The following AFAP1L2 variants were observed in gnomAD, a reference collection of about 807,000 sequenced individuals.
The protein encoded by AFAP1L2 is actin filament-associated protein 1-like 2.
AFAP1L2 carries 46 observed loss-of-function variants against 99.3 expected under a neutral mutation model. The ratio of observed to expected loss-of-function variants is 0.46; its 90% CI spans 0.37 to 0.59. The LOEUF is 0.59. Ranked by LOEUF, AFAP1L2 falls within the 20% of genes least tolerant of loss-of-function variation. The pLI is 0.00. For synonymous variants in AFAP1L2, 397 were observed against 419.1 expected (o/e 0.95, Z 0.64); for missense variants, 959 against 1,034.9 (o/e 0.93, Z 1.01).
chr10:114,371,454 C>G (rs1315711674), intron 1 of AFAP1L2, among the ~76,000 whole-genome samples: 2 of 151,894 alleles, frequency 1.3e-5, no homozygotes, highest in Non-Finnish European at 2.9e-5. Flanking sequence ...TCATCAGTCC[C>G]CCGCGAAAAA....
chr10:114,327,940 C>T (rs1480951646), intron 4 of AFAP1L2, among the ~76,000 whole-genome samples: 2 of 152,232 alleles, frequency 1.3e-5, no homozygotes, highest in South Asian at 2.1e-4. Flanking sequence ...AGGCTAGCCA[C>T]GGCAATGTCC....
At chr10:114,315,817 G>A in intron 5 of AFAP1L2, 52 bp from the exon 6 acceptor site, 1 of 1,544,738 alleles carries the variant, frequency 6.5e-7, no homozygotes, top group South Asian at 1.2e-5. Context: ...GGACAGTCCT[G>A]AAGCAGCATC....
intron 10 of AFAP1L2, among the ~76,000 whole-genome samples, chr10:114,306,374 A>AGGGGACGAGG (rs1164260630): frequency 6.8e-6 from 1 of 147,824 alleles, no homozygotes; most frequent in Non-Finnish European, 1.5e-5. Flanking sequence ...CGGGGGCAGG[A>AGGGGACGAGG]GGGCATGGGT....
chr10:114,284,668 C>T, the AFAP1L2 span, among the ~76,000 whole-genome samples: 1 of 152,228 alleles, frequency 6.6e-6, no homozygotes, highest in Non-Finnish European at 1.5e-5. Context: ...TCCTTTACCA[C>T]CCGTGCCCAG....
At position 114,301,370 on chromosome 10, in the gene AFAP1L2, G is replaced by A; in HGVS notation, c.1526C>T (p.Ser509Leu). The A allele has an allele frequency of 6.2e-7, 1 of 1,614,092 alleles. No homozygotes were observed. Among genetic ancestry groups the A allele is most frequent in the South Asian group, 1.1e-5 (1 of 91,080 alleles). ...GGTCCTTACCGCAGCTGTGAGCTCT[G>A]ACAGGTCCACGTCGTCATACAGCTC... ...QEELYDDVDL[S>L]ELTAAVEPTE... Residue 509 changes from serine (S) to leucine (L), a missense_variant, in exon 13 of 19, where the codon TCA becomes TTA. Ser to Leu is a moderately radical substitution (Grantham distance 145). Transcript: ENST00000304129.
rs775046053 is a variant in AFAP1L2 at position 114,302,297 on chromosome 10, A to G, written c.1430+42T>C. 5.0e-6 allele frequency: 8 copies of G among 1,613,366 alleles called. No homozygotes were observed. The Admixed American group carries it at 5.0e-5, about 10-fold the overall frequency. ...CTGACCCAGGGCCTACAGCATGGCC[A>G]GGAATAAGAGAGTGTACGGAGGAAG... On this transcript the variant is annotated intron_variant, in intron 12 of 18. Coordinates refer to ENST00000304129, the MANE Select transcript of AFAP1L2 (RefSeq NM_001001936.3).
intron 11 of AFAP1L2, 91 bp downstream of exon 11, chr10:114,304,628 C>T: frequency 8.2e-7 from 1 of 1,223,914 alleles, no homozygotes; most frequent in Non-Finnish European, 1.1e-6. Context: ...TTGATTCTCC[C>T]TTAGTAGCAT....
chr10:114,308,892 G>A (rs1341616251), intron 8 of AFAP1L2, among the ~76,000 whole-genome samples: 1 of 152,224 alleles, frequency 6.6e-6, no homozygotes, highest in Non-Finnish European at 1.5e-5. Context: ...GTCTGCACAG[G>A]AGCAGACCAT....
At chr10:114,396,898 T>C (rs1426487258) in intron 1 of AFAP1L2, among the ~76,000 whole-genome samples, 1 of 152,184 alleles carries the variant, frequency 6.6e-6, no homozygotes, top group African/African-American at 2.4e-5. Context: ...ATTTAGGATG[T>C]CATCAGGCAT....
intron 1 of AFAP1L2, among the ~76,000 whole-genome samples, chr10:114,360,462 T>C (rs1390870864): frequency 6.6e-6 from 1 of 152,108 alleles, no homozygotes; most frequent in Non-Finnish European, 1.5e-5. Flanking sequence ...CCCAAATAGA[T>C]AGATACCTCG....
chr10:114,397,389 C>T (rs2057826329), intron 1 of AFAP1L2, among the ~76,000 whole-genome samples: 3 of 152,198 alleles, frequency 2.0e-5, no homozygotes, highest in Admixed American at 2.0e-4. Flanking sequence ...GCTTCTTTCA[C>T]TTAGCATACT....
chr10:114,313,727 G>T, intron 7 of AFAP1L2, 144 bp downstream of exon 7: 1 of 828,012 alleles, frequency 1.2e-6, no homozygotes, highest in Non-Finnish European at 1.8e-6. Context: ...GCAGAAGACA[G>T]ATCGTTACCA....
intron 1 of AFAP1L2, among the ~76,000 whole-genome samples, chr10:114,398,670 T>C (rs1441404581): frequency 6.6e-6 from 1 of 152,264 alleles, no homozygotes; most frequent in African/African-American, 2.4e-5. Flanking sequence ...CAAGGTCGCA[T>C]AGCGAGTTAG....
chr10:114,338,130 A>G (rs1222589567), intron 2 of AFAP1L2, among the ~76,000 whole-genome samples: 1 of 152,330 alleles, frequency 6.6e-6, no homozygotes, highest in Non-Finnish European at 1.5e-5. Flanking sequence ...CGGCTTTACG[A>G]CTGCTTATTC....
intron 15 of AFAP1L2, 121 bp downstream of exon 15, chr10:114,300,073 G>A (rs1386184705): frequency 2.9e-6 from 4 of 1,373,866 alleles, no homozygotes; most frequent in African/African-American, 2.9e-5. Context: ...TTGTGATCGT[G>A]TGAGTCAATT....
At chr10:114,384,723 C>T (rs553121101) in intron 1 of AFAP1L2, among the ~76,000 whole-genome samples, 163 of 152,350 alleles carry the variant, frequency 1.1e-3, no homozygotes, top group Middle Eastern at 3.4e-3. Flanking sequence ...GAGGTACAGC[C>T]ACAGCCTAGC....
intron 1 of AFAP1L2, among the ~76,000 whole-genome samples, chr10:114,384,331 C>G (rs144324936): frequency 1.1e-3 from 165 of 151,788 alleles, no homozygotes; most frequent in East Asian, 1.6e-3. Flanking sequence ...TCGTCCCCCC[C>G]CCGCTGCAAG....
intron 5 of AFAP1L2, among the ~76,000 whole-genome samples, chr10:114,316,255 T>C (rs922081836): frequency 6.6e-6 from 1 of 152,238 alleles, no homozygotes; most frequent in African/African-American, 2.4e-5. Flanking sequence ...CTGAGCTGTA[T>C]GTGAGGCAGG....
chr10:114,297,742 T>C (rs1275744435), intron 16 of AFAP1L2, among the ~76,000 whole-genome samples: 1 of 152,184 alleles, frequency 6.6e-6, no homozygotes, highest in Non-Finnish European at 1.5e-5. Context: ...GCTTTATTCA[T>C]GGCCCATGGA....
Sources: allele counts gnomAD v4.1 joint callset (sites outside exome capture counted in the v4.1 genomes callset), GRCh38; gene constraint gnomAD v4.1.1; transcripts MANE v1.5; gene names NCBI Gene and HGNC (gene_info 2026-07-23, HGNC 2026-07-21).